GLIS3: variants seen among roughly 807,000 people sequenced by gnomAD.
GLIS3 encodes zinc finger protein GLIS3.
GLIS3 carries 53 observed loss-of-function variants against 78.6 expected under a neutral mutation model. The observed-to-expected ratio is 0.67, with a 90% CI of 0.54 to 0.85. The LOEUF is 0.85. Among genes scored for constraint, GLIS3 ranks in the 40% least tolerant of loss-of-function variants. The pLI is 0.00. For missense variants in GLIS3, 1,703 were observed against 1,231.1 expected (o/e 1.38, Z -5.74); for synonymous variants, 684 against 509.9 (o/e 1.34, Z -4.60).
intron 4 of GLIS3, among the ~76,000 whole-genome samples, chr9:4,107,228 C>T (rs1331627673): frequency 6.6e-6 from 1 of 152,154 alleles, no homozygotes; most frequent in African/African-American, 2.4e-5. Context: ...GCAGGGGGCA[C>T]TTCTAGTTCC....
intron 4 of GLIS3, among the ~76,000 whole-genome samples, chr9:4,064,156 C>T (rs780764048): frequency 2.0e-5 from 3 of 151,524 alleles, no homozygotes; most frequent in Non-Finnish European, 4.4e-5. Context: ...AATGATAGAC[C>T]GTATTTAATT....
At chr9:4,416,982 T>G in the GLIS3 span, among the ~76,000 whole-genome samples, 1 of 152,144 alleles carries the variant, frequency 6.6e-6, no homozygotes, top group Non-Finnish European at 1.5e-5. Context: ...ACTGTGAATT[T>G]ATCTGCCAGT....
At chr9:4,259,933 G>C (rs950897767) in intron 2 of GLIS3, among the ~76,000 whole-genome samples, 9 of 152,232 alleles carry the variant, frequency 5.9e-5, no homozygotes, top group African/African-American at 2.2e-4. Flanking sequence ...CTTAACTGCT[G>C]AGTTATTTTC....
chr9:3,969,190 G>C (rs746735587), intron 4 of GLIS3, among the ~76,000 whole-genome samples: 1 of 152,164 alleles, frequency 6.6e-6, no homozygotes. Flanking sequence ...CTCACTGTTC[G>C]AAGAAGGTAA....
chr9:4,469,101 A>G, the GLIS3 span, among the ~76,000 whole-genome samples: 2 of 152,338 alleles, frequency 1.3e-5, no homozygotes, highest in African/African-American at 4.8e-5. Context: ...CTAAATATAT[A>G]TGCACCCAAT....
the GLIS3 span, among the ~76,000 whole-genome samples, chr9:4,464,422 T>C: frequency 6.6e-6 from 1 of 151,964 alleles, no homozygotes; most frequent in Non-Finnish European, 1.5e-5. Context: ...TGAGACAGAG[T>C]CTTGCTCTGT....
the GLIS3 span, among the ~76,000 whole-genome samples, chr9:4,447,183 G>A: frequency 6.6e-6 from 1 of 152,042 alleles, no homozygotes; most frequent in South Asian, 2.1e-4. Context: ...AAGTAGCTGG[G>A]ACTATAGGCA....
intron 2 of GLIS3, among the ~76,000 whole-genome samples, chr9:4,261,151 C>T (rs1019719175): frequency 5.9e-5 from 9 of 152,146 alleles, no homozygotes; most frequent in South Asian, 2.1e-4. Context: ...ATTAACTCAT[C>T]CCAAGGTAAA....
At chr9:4,263,818 AC>A (rs1825745453) in intron 2 of GLIS3, among the ~76,000 whole-genome samples, 1 of 151,798 alleles carries the variant, frequency 6.6e-6, no homozygotes, top group South Asian at 2.1e-4. Context: ...GACACCCTCT[AC>A]CCTGGTTTTC....
chr9:4,098,891 C>T (rs1830156248), intron 4 of GLIS3, among the ~76,000 whole-genome samples: 1 of 152,204 alleles, frequency 6.6e-6, no homozygotes, highest in Non-Finnish European at 1.5e-5. Flanking sequence ...GTAGGAGATA[C>T]TCACATCCAG....
chr9:4,362,401 A>C, the GLIS3 span, among the ~76,000 whole-genome samples: 12 of 152,246 alleles, frequency 7.9e-5, no homozygotes, highest in African/African-American at 2.9e-4. Context: ...GTAAGAAAAC[A>C]GGAAGACAAT....
chr9:4,220,471 G>C (rs894768529), intron 2 of GLIS3, among the ~76,000 whole-genome samples: 16 of 152,190 alleles, frequency 1.1e-4, no homozygotes, highest in African/African-American at 3.4e-4. Context: ...ACCAGCATTA[G>C]ACAGATTGAT....
intron 4 of GLIS3, among the ~76,000 whole-genome samples, chr9:4,014,052 G>C (rs1252536653): frequency 6.6e-6 from 1 of 152,190 alleles, no homozygotes; most frequent in Non-Finnish European, 1.5e-5. Context: ...ACAAATTGCA[G>C]AAGAGGCTTC....
In GLIS3 at chr9:3,825,110, T is replaced by C. The variant is rs1171081488; in HGVS notation, c.*3162A>G. 1 of 152,150 alleles carries C rather than the reference T, an allele frequency of 6.6e-6. No individual in the cohort carries two copies. The highest frequency in any genetic ancestry group is 1.5e-5 in the Non-Finnish European group (1 of 68,030). 9.4% of individuals were successfully genotyped at this position (152,150 alleles called of 1,614,324 possible). A position where few individuals can be genotyped will look rare whatever the true frequency, so the allele number is the denominator to read the frequency against. ...AAGTCAAGGTTCTCAGATGAGGGAG[T>C]TGAATTTATCCTTGCTCAAAATTGG... On this transcript the variant is annotated 3_prime_UTR_variant, in exon 11 of 11. Coordinates refer to ENST00000381971, the MANE Select transcript of GLIS3 (RefSeq NM_001042413.2).
intron 4 of GLIS3, among the ~76,000 whole-genome samples, chr9:4,063,484 A>C (rs921137336): frequency 6.6e-6 from 1 of 152,144 alleles, no homozygotes; most frequent in African/African-American, 2.4e-5. Flanking sequence ...CATTAACAGA[A>C]TAAGAAAACC....
chr9:4,100,218 G>A (rs933800619), intron 4 of GLIS3, among the ~76,000 whole-genome samples: 4 of 152,172 alleles, frequency 2.6e-5, no homozygotes, highest in Non-Finnish European at 4.4e-5. Context: ...TTTACACTGG[G>A]AAGTCATTTC....
chr9:4,161,894 C>T (rs1213397373), intron 2 of GLIS3, among the ~76,000 whole-genome samples: 1 of 151,116 alleles, frequency 6.6e-6, no homozygotes, highest in African/African-American at 2.4e-5. Context: ...CCATGTTGGT[C>T]AGGCTGGTCT....
chr9:4,361,920 T>C, the GLIS3 span, among the ~76,000 whole-genome samples: 1 of 152,258 alleles, frequency 6.6e-6, no homozygotes, highest in Non-Finnish European at 1.5e-5. Flanking sequence ...TTTGGAATGT[T>C]ATCTCTCTTC....
At chr9:4,388,962 G>C in the GLIS3 span, among the ~76,000 whole-genome samples, 1 of 152,142 alleles carries the variant, frequency 6.6e-6, no homozygotes, top group African/African-American at 2.4e-5. Flanking sequence ...GTGAAGAAAA[G>C]GGGATAGGGT....
Sources: allele counts gnomAD v4.1 joint callset (sites outside exome capture counted in the v4.1 genomes callset), GRCh38; gene constraint gnomAD v4.1.1; transcripts MANE v1.5; gene names NCBI Gene and HGNC (gene_info 2026-07-23, HGNC 2026-07-21).